Variants in FHIT observed in about 807,000 individuals in gnomAD.
The protein encoded by FHIT is bis(5'-adenosyl)-triphosphatase.
In FHIT, 19 loss-of-function variants were observed where a neutral mutation model predicts 17.9. That is an observed-to-expected ratio of 1.06 (90% CI 0.74 to 1.56). FHIT has a LOEUF of 1.56. FHIT is among the 40% of genes most tolerant of loss of function. The probability of loss-of-function intolerance (pLI) is 0.00; values close to 1 mark genes in which losing one functional copy is unlikely to be tolerated. For synonymous variants in FHIT, 81 were observed against 69.7 expected (o/e 1.16, Z -0.81); for missense variants, 248 against 189.2 (o/e 1.31, Z -1.82).
intron 5 of FHIT, among the ~76,000 whole-genome samples, chr3:60,249,004 C>A (rs1705548450): frequency 6.6e-6 from 1 of 152,162 alleles, no homozygotes; most frequent in Non-Finnish European, 1.5e-5. Flanking sequence ...TCCACAATTG[C>A]ATCTTTTCAG....
intron 4 of FHIT, among the ~76,000 whole-genome samples, chr3:60,677,973 C>G (rs1379620845): frequency 6.6e-6 from 1 of 152,106 alleles, no homozygotes; most frequent in African/African-American, 2.4e-5. Context: ...ATAGTAGTCT[C>G]TGATCATCTT....
chr3:60,306,873 A>G (rs115904785), intron 5 of FHIT, among the ~76,000 whole-genome samples: 1,859 of 152,230 alleles, frequency 0.012, 38 homozygotes, highest in African/African-American at 0.042. Context: ...ATTATCAATA[A>G]TAATAAAATC....
In FHIT at chr3:60,991,485, G is replaced by A. The variant is rs372257097; in HGVS notation, c.-111+50562C>T. 7.9e-5 allele frequency among the ~76,000 whole-genome samples: 12 copies of A among 152,306 alleles called. No individual in the cohort carries two copies. The South Asian group carries it at 2.5e-3, about 32-fold the overall frequency. On this transcript the variant is annotated intron_variant, in intron 3 of 9. Coordinates refer to ENST00000492590, the MANE Select transcript of FHIT (RefSeq NM_002012.4). ...AAATTACAGCTGTCTGGGCGTCATGGGGGAAGAAAATGGACAAAATTGTGT... is the reference window on the plus strand; with the variant it reads ...AAATTACAGCTGTCTGGGCGTCATGAGGGAAGAAAATGGACAAAATTGTGT...
At chr3:60,929,634 A>G (rs1329969154) in intron 3 of FHIT, among the ~76,000 whole-genome samples, 1 of 152,166 alleles carries the variant, frequency 6.6e-6, no homozygotes, top group Non-Finnish European at 1.5e-5. Flanking sequence ...AGAATAAAAT[A>G]CCTAGGAATC....
intron 8 of FHIT, among the ~76,000 whole-genome samples, chr3:59,879,595 C>T (rs974902233): frequency 6.6e-6 from 1 of 152,088 alleles, no homozygotes; most frequent in Non-Finnish European, 1.5e-5. Context: ...CAAAACCGGA[C>T]TGCTCCAAAA....
intron 8 of FHIT, among the ~76,000 whole-genome samples, chr3:59,843,705 A>G (rs1009802806): frequency 6.6e-6 from 1 of 151,668 alleles, no homozygotes; most frequent in South Asian, 2.1e-4. Context: ...ATAAAAATGC[A>G]ATGTATTTTT....
intron 5 of FHIT, among the ~76,000 whole-genome samples, chr3:60,364,993 C>A (rs1700048842): frequency 6.6e-6 from 1 of 151,504 alleles, no homozygotes; most frequent in Non-Finnish European, 1.5e-5. Context: ...TTCTCGGCCT[C>A]CTTAAGTACA....
At chr3:60,589,342 T>C (rs9815092) in intron 4 of FHIT, among the ~76,000 whole-genome samples, 57,020 of 151,778 alleles carry the variant, frequency 0.38, 11,013 homozygotes, top group Non-Finnish European at 0.41. Flanking sequence ...ATCACTTGTA[T>C]TTGTGTGAAC....
At chr3:60,525,976 A>C (rs954655656) in intron 5 of FHIT, among the ~76,000 whole-genome samples, 1 of 151,604 alleles carries the variant, frequency 6.6e-6, no homozygotes, top group African/African-American at 2.4e-5. Flanking sequence ...GGTGGCCCAC[A>C]CCTGTAGTCC....
At chr3:60,356,215 CGCT>C (rs1699646440) in intron 5 of FHIT, among the ~76,000 whole-genome samples, 2 of 152,160 alleles carry the variant, frequency 1.3e-5, no homozygotes, top group South Asian at 4.1e-4. Flanking sequence ...CCTATAACAA[CGCT>C]GCAAAAGTAA....
At chr3:60,695,429 T>A (rs1459398795) in intron 4 of FHIT, among the ~76,000 whole-genome samples, 1 of 152,124 alleles carries the variant, frequency 6.6e-6, no homozygotes, top group Non-Finnish European at 1.5e-5. Flanking sequence ...ATATAAATGT[T>A]TTCATTTGTA....
chr3:60,498,077 C>T (rs2034374527), intron 5 of FHIT, among the ~76,000 whole-genome samples: 1 of 152,164 alleles, frequency 6.6e-6, no homozygotes, highest in African/African-American at 2.4e-5. Flanking sequence ...ACAAATGTGG[C>T]TGTGTTCCAA....
chr3:59,977,108 G>T (rs1022886691), intron 7 of FHIT, among the ~76,000 whole-genome samples: 1 of 152,088 alleles, frequency 6.6e-6, no homozygotes, highest in Admixed American at 6.6e-5. Flanking sequence ...ATCAGAGAGG[G>T]CCCGGGAACC....
intron 5 of FHIT, among the ~76,000 whole-genome samples, chr3:60,067,920 T>C (rs1702590258): frequency 6.6e-6 from 1 of 152,136 alleles, no homozygotes; most frequent in Non-Finnish European, 1.5e-5. Flanking sequence ...TTCACACTTA[T>C]CCATTCATTT....
At chr3:60,443,900 C>A (rs1053361884) in intron 5 of FHIT, among the ~76,000 whole-genome samples, 21 of 152,028 alleles carry the variant, frequency 1.4e-4, no homozygotes, top group Non-Finnish European at 1.3e-4. Flanking sequence ...TCAGAGTGAA[C>A]AGGCAACCTA....
At chr3:59,930,219 TGAGAAAAGCCA>T (rs1705900107) in intron 7 of FHIT, among the ~76,000 whole-genome samples, 1 of 151,832 alleles carries the variant, frequency 6.6e-6, no homozygotes, top group Non-Finnish European at 1.5e-5. Flanking sequence ...ACCTGGAGAG[TGAGAAAAGCCA>T]GGTTTCCAGG....
chr3:60,728,702 CAT>C (rs1259104551), intron 4 of FHIT, among the ~76,000 whole-genome samples: 11 of 57,696 alleles, frequency 1.9e-4, no homozygotes, highest in African/African-American at 3.1e-4. Context: ...TTCACACACA[CAT>C]ACACACACAC....
At chr3:60,544,555 T>C (rs2036297429) in intron 4 of FHIT, among the ~76,000 whole-genome samples, 1 of 151,962 alleles carries the variant, frequency 6.6e-6, no homozygotes, top group East Asian at 1.9e-4. Context: ...TCTTAGCCTT[T>C]TGAATGTCAT....
At chr3:60,297,774 C>A (rs1708279530) in intron 5 of FHIT, among the ~76,000 whole-genome samples, 1 of 152,052 alleles carries the variant, frequency 6.6e-6, no homozygotes, top group Non-Finnish European at 1.5e-5. Flanking sequence ...CCAACAGACG[C>A]TAACTGGGTA....
Sources: gnomAD v4.1 joint callset for allele counts (sites outside exome capture counted in the v4.1 genomes callset) on GRCh38, gnomAD v4.1.1 for gene constraint, MANE v1.5 for transcripts, NCBI Gene and HGNC (gene_info 2026-07-23, HGNC 2026-07-21) for gene names.